EVA1A: variants seen among roughly 807,000 people sequenced by gnomAD.
The protein encoded by EVA1A is protein eva-1 homolog A.
EVA1A carries 7 observed loss-of-function variants against 9.8 expected under a neutral mutation model. That is an observed-to-expected ratio of 0.71 (90% CI 0.41 to 1.34). The LOEUF (loss-of-function observed/expected upper bound fraction) is 1.34, where lower values mean the gene tolerates loss of function less well. EVA1A is among the 40% of genes most tolerant of loss of function. The probability of loss-of-function intolerance (pLI) is 0.01; values close to 1 mark genes in which losing one functional copy is unlikely to be tolerated. For missense variants in EVA1A, 206 were observed against 205.9 expected (o/e 1.00, Z 0.00); for synonymous variants, 90 against 85.6 (o/e 1.05, Z -0.28).
chr2:75,533,150 A>G (rs537425968), intron 1 of EVA1A, among the ~76,000 whole-genome samples: 1 of 128,816 alleles, frequency 7.8e-6, no homozygotes. Flanking sequence ...CCCTGTCTTT[A>G]AAAAAAAAAA....
intron 3 of EVA1A, among the ~76,000 whole-genome samples, chr2:75,495,585 C>A (rs1674182399): frequency 6.6e-6 from 1 of 152,240 alleles, no homozygotes; most frequent in Non-Finnish European, 1.5e-5. Flanking sequence ...TTTTGTCTCA[C>A]CCTGGTTTCA....
chr2:75,557,069 A>T (rs1193377069), intron 1 of EVA1A, among the ~76,000 whole-genome samples: 3 of 152,190 alleles, frequency 2.0e-5, no homozygotes, highest in Non-Finnish European at 4.4e-5. Flanking sequence ...TACACATGCC[A>T]GGTTAGGTGA....
At chr2:75,510,464 C>T (rs2103819767) in intron 3 of EVA1A, among the ~76,000 whole-genome samples, 1 of 152,194 alleles carries the variant, frequency 6.6e-6, no homozygotes, top group East Asian at 1.9e-4. Context: ...TCTCAAATGC[C>T]CAAATTCGTG....
At chr2:75,544,130 G>A (rs1676239704) in intron 1 of EVA1A, among the ~76,000 whole-genome samples, 4 of 152,172 alleles carry the variant, frequency 2.6e-5, no homozygotes, top group African/African-American at 9.7e-5. Context: ...TTGAACACAT[G>A]TAGATGTGTC....
At chr2:75,542,380 G>A (rs144071488) in intron 1 of EVA1A, 2 of 152,364 alleles carry the variant, frequency 1.3e-5, no homozygotes, top group Non-Finnish European at 2.9e-5. Context: ...TGCCTAGAGT[G>A]AAATTCAAAT....
At chr2:75,531,398 G>A (rs1675642963) in intron 1 of EVA1A, among the ~76,000 whole-genome samples, 2 of 152,116 alleles carry the variant, frequency 1.3e-5, no homozygotes, top group Non-Finnish European at 1.5e-5. Flanking sequence ...CCTCACTACT[G>A]AGCATCTACC....
chr2:75,546,099 G>C (rs1427151409), intron 1 of EVA1A, among the ~76,000 whole-genome samples: 2 of 152,118 alleles, frequency 1.3e-5, no homozygotes, highest in East Asian at 3.9e-4. Context: ...AGGGGGCTGG[G>C]GCCAGGTCAT....
At chr2:75,510,751 T>C (rs747856635) in intron 3 of EVA1A, among the ~76,000 whole-genome samples, 9 of 152,104 alleles carry the variant, frequency 5.9e-5, no homozygotes, top group Non-Finnish European at 1.2e-4. Flanking sequence ...AGGACTAATA[T>C]AGGAAAAGTG....
intron 1 of EVA1A, among the ~76,000 whole-genome samples, chr2:75,559,282 C>T (rs568040989): frequency 2.6e-5 from 4 of 152,300 alleles, no homozygotes; most frequent in Admixed American, 2.0e-4. Context: ...AATATGTCTC[C>T]AGACATTGCT....
intron 1 of EVA1A, among the ~76,000 whole-genome samples, chr2:75,532,428 C>A (rs1391982484): frequency 2.0e-5 from 3 of 151,916 alleles, no homozygotes; most frequent in African/African-American, 7.3e-5. Context: ...TAAAAGCCAA[C>A]GTTTATTAAG....
At chr2:75,526,269 A>C (rs1675433497) in intron 1 of EVA1A, 1 of 152,230 alleles carries the variant, frequency 6.6e-6, no homozygotes, top group East Asian at 1.9e-4. Flanking sequence ...AATTAATTTC[A>C]ATAATAAGGT....
chr2:75,543,868 G>C (rs1385826586), intron 1 of EVA1A, among the ~76,000 whole-genome samples: 1 of 152,188 alleles, frequency 6.6e-6, no homozygotes, highest in Non-Finnish European at 1.5e-5. Flanking sequence ...CCCTGCTAAA[G>C]ATCCCACCTG....
chr2:75,515,626 T>C (rs1674975470), intron 3 of EVA1A, among the ~76,000 whole-genome samples: 1 of 152,190 alleles, frequency 6.6e-6, no homozygotes, highest in Non-Finnish European at 1.5e-5. Flanking sequence ...TATCAAATAT[T>C]TTAAAACTCA....
intron 1 of EVA1A, among the ~76,000 whole-genome samples, chr2:75,547,476 A>G (rs918763647): frequency 6.6e-5 from 10 of 152,238 alleles, no homozygotes; most frequent in African/African-American, 2.4e-4. Flanking sequence ...GAGATAATCT[A>G]TGTAATGCAC....
chr2:75,559,683 T>C lies in EVA1A; in HGVS notation c.-192+997A>G, dbSNP rs542125171. ...ACGGAAAAAGCCTGGTCCCTTGTACTATGAGAAAGGAGGTGGGGGGGGGGC... is the reference window on the plus strand; with the variant it reads ...ACGGAAAAAGCCTGGTCCCTTGTACCATGAGAAAGGAGGTGGGGGGGGGGC... On this transcript the variant is annotated intron_variant, in intron 1 of 3. Coordinates refer to ENST00000393913, the MANE Select transcript of EVA1A (RefSeq NM_001135032.2). Among the ~76,000 whole-genome samples the C allele has an allele frequency of 2.5e-3, 173 of 67,946 alleles. 1 individual carries two copies. The highest frequency in any genetic ancestry group is 0.021 in the South Asian group (31 of 1,488). The allele number at this position is 67,946 out of a possible 152,430, so 44.6% of individuals were successfully genotyped here.
chr2:75,504,669 C>T (rs1023526732), intron 3 of EVA1A, among the ~76,000 whole-genome samples: 1 of 152,016 alleles, frequency 6.6e-6, no homozygotes, highest in African/African-American at 2.4e-5. Flanking sequence ...ATAGATGAAG[C>T]TGGAAGCCAT....
At chr2:75,528,465 G>T (rs1334010504) in intron 1 of EVA1A, among the ~76,000 whole-genome samples, 2 of 152,162 alleles carry the variant, frequency 1.3e-5, no homozygotes, top group African/African-American at 4.8e-5. Flanking sequence ...CTTGCTGGCT[G>T]TGTGGGAGCT....
chr2:75,506,043 C>T (rs576758106), intron 3 of EVA1A, among the ~76,000 whole-genome samples: 48 of 152,246 alleles, frequency 3.2e-4, no homozygotes, highest in Middle Eastern at 3.4e-3. Context: ...TTCACATGTA[C>T]ACAGCATATA....
intron 1 of EVA1A, among the ~76,000 whole-genome samples, chr2:75,535,191 TATC>T (rs1675832066): frequency 6.7e-6 from 1 of 150,082 alleles, no homozygotes; most frequent in Admixed American, 6.7e-5. Flanking sequence ...CAACATCACT[TATC>T]ATCAGGGAAA....
Sources: gnomAD v4.1 joint callset for allele counts (sites outside exome capture counted in the v4.1 genomes callset) on GRCh38, gnomAD v4.1.1 for gene constraint, MANE v1.5 for transcripts, NCBI Gene and HGNC (gene_info 2026-07-23, HGNC 2026-07-21) for gene names.